PTH2R: variants seen among roughly 807,000 people sequenced by gnomAD.
PTH2R encodes PTH2 receptor.
PTH2R carries 59 observed loss-of-function variants against 60.3 expected under a neutral mutation model. The ratio of observed to expected loss-of-function variants is 0.98; its 90% CI spans 0.79 to 1.22. PTH2R has a LOEUF of 1.22. Ranked by LOEUF, PTH2R falls within the 50% of genes most tolerant of loss-of-function variation. The pLI is 0.00. For synonymous variants in PTH2R, 256 were observed against 243.8 expected, an observed-to-expected ratio of 1.05 and a Z score of -0.47; for missense variants, 749 against 682.6, an observed-to-expected ratio of 1.10 and a Z score of -1.08.
intron 1 of PTH2R, among the ~76,000 whole-genome samples, chr2:208,375,750 C>T (rs1312859580): frequency 6.6e-6 from 1 of 152,040 alleles, no homozygotes; most frequent in African/African-American, 2.4e-5. Flanking sequence ...CTTTCTTGGT[C>T]ATTTTGATTT....
At chr2:208,457,118 G>A (rs1272143645) in intron 8 of PTH2R, among the ~76,000 whole-genome samples, 1 of 152,206 alleles carries the variant, frequency 6.6e-6, no homozygotes, top group South Asian at 2.1e-4. Flanking sequence ...AGAAAATTTA[G>A]GGAATCCGAA....
intron 1 of PTH2R, among the ~76,000 whole-genome samples, chr2:208,426,427 T>A (rs1701858961): frequency 6.6e-6 from 1 of 152,228 alleles, no homozygotes; most frequent in Non-Finnish European, 1.5e-5. Flanking sequence ...TGTTAAACAG[T>A]GCTTGTATCT....
At chr2:208,419,931 T>C (rs1241054877) in intron 1 of PTH2R, among the ~76,000 whole-genome samples, 1 of 152,194 alleles carries the variant, frequency 6.6e-6, no homozygotes, top group Non-Finnish European at 1.5e-5. Context: ...GTGGCACATA[T>C]ACACTGTGGA....
chr2:208,442,591 A>G (rs1251976691), intron 5 of PTH2R, 130 bp downstream of exon 5: 1 of 696,822 alleles, frequency 1.4e-6, no homozygotes, highest in Non-Finnish European at 2.5e-6. Context: ...GCCTAATGTT[A>G]TTATGTTATT....
chr2:208,447,223 C>T (rs1382914772), intron 7 of PTH2R, among the ~76,000 whole-genome samples: 6 of 152,128 alleles, frequency 3.9e-5, no homozygotes, highest in East Asian at 1.9e-4. Flanking sequence ...CCTCCTGCCT[C>T]GGCCTCTCAA....
At chr2:208,444,224 A>G (rs1702243819) in intron 6 of PTH2R, among the ~76,000 whole-genome samples, 1 of 152,216 alleles carries the variant, frequency 6.6e-6, no homozygotes, top group South Asian at 2.1e-4. Context: ...ACCTCTACTC[A>G]GTGAGCCTAG....
chr2:208,493,966 C>A lies in PTH2R; in HGVS notation c.*307C>A. On this transcript the variant is annotated 3_prime_UTR_variant, in exon 13 of 13. Coordinates refer to ENST00000272847, the MANE Select transcript of PTH2R (RefSeq NM_005048.4). The stretch of plus-strand genomic sequence containing the variant: ...GTAGAAAAAAGATTCAATTGCTTGG[C>A]TGTAGCTTTCTCTCATATATATCAC... 1 of 228,664 alleles carries A rather than the reference C, an allele frequency of 4.4e-6. No homozygotes were observed. Among genetic ancestry groups the A allele is most frequent in the Non-Finnish European group, 8.5e-6 (1 of 118,020 alleles). 14.2% of individuals were successfully genotyped at this position (228,664 alleles called of 1,614,324 possible).
At chr2:208,488,835 C>A (rs1319192679) in intron 10 of PTH2R, among the ~76,000 whole-genome samples, 177 bp from the exon 11 acceptor site, 1 of 152,124 alleles carries the variant, frequency 6.6e-6, no homozygotes, top group Non-Finnish European at 1.5e-5. Context: ...TGTGATCACG[C>A]CACTGTACGC....
intron 1 of PTH2R, among the ~76,000 whole-genome samples, chr2:208,410,480 A>T (rs2105835130): frequency 6.6e-6 from 1 of 152,232 alleles, no homozygotes; most frequent in Admixed American, 6.5e-5. Context: ...CTCCGCCCCG[A>T]GTCTCTATCC....
At chr2:208,464,692 A>G (rs1702706095) in intron 9 of PTH2R, among the ~76,000 whole-genome samples, 1 of 152,122 alleles carries the variant, frequency 6.6e-6, no homozygotes, top group Non-Finnish European at 1.5e-5. Context: ...CAAGTTTTAA[A>G]AAGTCAGGGT....
chr2:208,374,851 C>T (rs1700765938), intron 1 of PTH2R, among the ~76,000 whole-genome samples: 2 of 152,050 alleles, frequency 1.3e-5, no homozygotes, highest in Non-Finnish European at 2.9e-5. Context: ...GAAAGACCTT[C>T]ACTCATTCAA....
intron 7 of PTH2R, 83 bp downstream of exon 7, chr2:208,444,970 C>CA: frequency 7.2e-7 from 1 of 1,379,934 alleles, no homozygotes. Flanking sequence ...AGCATCCCTA[C>CA]AGCCATTTTC....
At chr2:208,414,714 C>A (rs1327570159) in intron 1 of PTH2R, among the ~76,000 whole-genome samples, 2 of 152,060 alleles carry the variant, frequency 1.3e-5, no homozygotes, top group Non-Finnish European at 2.9e-5. Flanking sequence ...ATCTGTTTTT[C>A]TATGCCTCAT....
intron 2 of PTH2R, among the ~76,000 whole-genome samples, chr2:208,429,145 T>A (rs1701920124): frequency 6.6e-6 from 1 of 152,012 alleles, no homozygotes; most frequent in Non-Finnish European, 1.5e-5. Flanking sequence ...ATTTTGATAA[T>A]TTTCCATGTG....
intron 2 of PTH2R, among the ~76,000 whole-genome samples, chr2:208,434,647 A>G (rs965266829): frequency 6.6e-6 from 1 of 152,220 alleles, no homozygotes; most frequent in Non-Finnish European, 1.5e-5. Flanking sequence ...TTACCGAGAA[A>G]TAAGAATGTG....
chr2:208,487,837 C>T (rs62193698), intron 10 of PTH2R, among the ~76,000 whole-genome samples: 1 of 152,158 alleles, frequency 6.6e-6, no homozygotes. Flanking sequence ...ATGGGCCTCT[C>T]AGTATAGCAG....
In PTH2R at chr2:208,464,599, C is replaced by T. The variant is rs116042448; in HGVS notation, c.981+4638C>T. Among the ~76,000 whole-genome samples the T allele has an allele frequency of 6.7e-3, 1,021 of 152,204 alleles. 16 individuals carry two copies. Among genetic ancestry groups the T allele is most frequent in the African/African-American group, 0.023 (948 of 41,528 alleles). On this transcript the variant is annotated intron_variant, in intron 9 of 12. Transcript: ENST00000272847. Reference sequence around the variant, plus strand: ...CAGTAGTTACAGCATAGATTTTGGGCCAGGCTGTCTTTGTTAGCATCCCAG... The same window carrying T: ...CAGTAGTTACAGCATAGATTTTGGGTCAGGCTGTCTTTGTTAGCATCCCAG...
At chr2:208,485,205 C>G (rs1378953562) in intron 10 of PTH2R, among the ~76,000 whole-genome samples, 2 of 152,150 alleles carry the variant, frequency 1.3e-5, no homozygotes, top group Non-Finnish European at 2.9e-5. Flanking sequence ...TTTTCTAGAG[C>G]TGCTCACCTG....
chr2:208,437,923 G>A lies in PTH2R; in HGVS notation c.411+42G>A, dbSNP rs544160393. 18 of 1,586,442 alleles carry A rather than the reference G, an allele frequency of 1.1e-5. No homozygotes were observed. The South Asian group carries it at 2.0e-4, about 18-fold the overall frequency. On this transcript the variant is annotated intron_variant, in intron 4 of 12. Coordinates refer to ENST00000272847, the MANE Select transcript of PTH2R (RefSeq NM_005048.4). ...ATTTGTGAATTCCTAAGGGAAAGCA[G>A]AATAATATTTTAATGCAATTCTCAA... is the stretch of plus-strand genomic sequence containing the variant.
Sources: allele counts gnomAD v4.1 joint callset (sites outside exome capture counted in the v4.1 genomes callset), GRCh38; gene constraint gnomAD v4.1.1; transcripts MANE v1.5; gene names NCBI Gene and HGNC (gene_info 2026-07-23, HGNC 2026-07-21).